The following GLRB variants were observed in gnomAD, a reference collection of about 807,000 sequenced individuals.
The protein encoded by GLRB is glycine receptor subunit beta.
In GLRB, 33 loss-of-function variants were observed where a neutral mutation model predicts 54.2. The ratio of observed to expected loss-of-function variants is 0.61; its 90% CI spans 0.46 to 0.81. The LOEUF (loss-of-function observed/expected upper bound fraction) is 0.81. Ranked by LOEUF, GLRB falls within the 40% of genes least tolerant of loss-of-function variation. The probability of loss-of-function intolerance (pLI) is 0.00; values close to 1 mark genes in which losing one functional copy is unlikely to be tolerated. For missense variants in GLRB, 572 were observed against 584.6 expected (o/e 0.98, Z 0.22); for synonymous variants, 209 against 208.2 (o/e 1.00, Z -0.03).
chr4:157,164,552 G>T (rs59191537), intron 9 of GLRB, among the ~76,000 whole-genome samples: 146 of 152,254 alleles, frequency 9.6e-4, no homozygotes, highest in African/African-American at 3.4e-3. Context: ...CCTACGATCA[G>T]CTCCATTGGC....
Position 157,152,950 on chromosome 4 carries a change from T to C in GLRB, c.1137T>C (p.Asn379=). The change falls in exon 9 of 10, where the codon AAT becomes AAC. Residue 379 remains asparagine (N), a synonymous_variant. Transcript: ENST00000264428. Reference sequence around the variant, plus strand: ...AGCAAGCAGATGGAAAAGGTGGAAATGTGGCTAAAAAGAATACTGTGAATG... The same window carrying C: ...AGCAAGCAGATGGAAAAGGTGGAAACGTGGCTAAAAAGAATACTGTGAATG... ...KAEQADGKGG[N]VAKKNTVNGT... The C allele has an allele frequency of 6.2e-7, 1 of 1,613,974 alleles. No homozygotes were observed. Among genetic ancestry groups the C allele is most frequent in the Non-Finnish European group, 8.5e-7 (1 of 1,179,938 alleles).
At chr4:157,144,136 T>C (rs1736720150) in intron 8 of GLRB, among the ~76,000 whole-genome samples, 177 bp downstream of exon 8, 1 of 152,204 alleles carries the variant, frequency 6.6e-6, no homozygotes, top group Non-Finnish European at 1.5e-5. Context: ...GTTTATGCAC[T>C]CTATAATTAA....
At chr4:157,097,552 A>G (rs1202344639) in intron 2 of GLRB, among the ~76,000 whole-genome samples, 1 of 152,190 alleles carries the variant, frequency 6.6e-6, no homozygotes, top group Non-Finnish European at 1.5e-5. Context: ...GAAGGCTTTG[A>G]TGGGCTATGT....
intron 2 of GLRB, among the ~76,000 whole-genome samples, chr4:157,099,186 T>C (rs1052634734): frequency 1.3e-5 from 2 of 152,130 alleles, no homozygotes; most frequent in East Asian, 3.9e-4. Context: ...TGGGGCAGGG[T>C]AGTTATTTAC....
Position 157,122,398 on chromosome 4 carries a change from G to T in GLRB, c.297+1G>T, listed in dbSNP as rs771465893. The T allele has an allele frequency of 1.1e-5, 12 of 1,118,300 alleles. No homozygotes were observed. Among genetic ancestry groups the T allele is most frequent in the Non-Finnish European group, 1.6e-5 (12 of 743,690 alleles). 69.3% of individuals were successfully genotyped at this position (1,118,300 alleles called of 1,614,324 possible). On this transcript the variant is annotated splice_donor_variant, in intron 4 of 9. Transcript: ENST00000264428. LOFTEE classifies it high-confidence loss of function. Reference sequence around the variant, plus strand: ...TGGATCCATTCAAGAAACAACAATGGTAAGATTGCAATTAATTTAATATTT... The same window carrying T: ...TGGATCCATTCAAGAAACAACAATGTTAAGATTGCAATTAATTTAATATTT...
chr4:157,162,339 T>C (rs1335033584), intron 9 of GLRB, among the ~76,000 whole-genome samples: 2 of 152,212 alleles, frequency 1.3e-5, no homozygotes, highest in Non-Finnish European at 2.9e-5. Context: ...TTCTCTCAAC[T>C]CGTCAAAGTC....
intron 7 of GLRB, among the ~76,000 whole-genome samples, chr4:157,141,255 C>T (rs1024217994): frequency 2.0e-5 from 3 of 151,898 alleles, no homozygotes; most frequent in East Asian, 3.9e-4. Flanking sequence ...TATTTTTTGG[C>T]ACTTAGTATG....
intron 2 of GLRB, among the ~76,000 whole-genome samples, chr4:157,091,643 A>G (rs1734620748): frequency 6.6e-6 from 1 of 152,190 alleles, no homozygotes; most frequent in Non-Finnish European, 1.5e-5. Flanking sequence ...TGTGGACCAC[A>G]CTTTGAGGGC....
intron 8 of GLRB, among the ~76,000 whole-genome samples, chr4:157,151,080 TC>T (rs1396048597): frequency 6.6e-6 from 1 of 152,138 alleles, no homozygotes; most frequent in Non-Finnish European, 1.5e-5. Context: ...TCATAAAGTT[TC>T]TAATCTATCA....
At chr4:157,080,377 G>T (rs978191606) in intron 2 of GLRB, among the ~76,000 whole-genome samples, 23 of 152,154 alleles carry the variant, frequency 1.5e-4, no homozygotes, top group Admixed American at 6.6e-5. Flanking sequence ...TTTATTAACA[G>T]TTGTGATGTG....
intron 8 of GLRB, 116 bp from the exon 9 acceptor site, chr4:157,152,602 C>T (rs759053420): frequency 9.6e-6 from 8 of 830,166 alleles, no homozygotes; most frequent in African/African-American, 1.7e-5. Flanking sequence ...GGGGACCTGA[C>T]AAATTGTTCA....
rs79107752 is a variant in GLRB at position 157,094,766 on chromosome 4, A to G, written c.122+16620A>G. The stretch of plus-strand genomic sequence containing the variant: ...CTCAAATCCTGTTAGTGAAAGTTCA[A>G]AATGGCATAAGCATTTGGTAAACCA... On this transcript the variant is annotated intron_variant, in intron 2 of 9. Transcript: ENST00000264428. 7.8e-3 allele frequency among the ~76,000 whole-genome samples: 1,188 copies of G among 152,308 alleles called. 23 individuals carry two copies. In the East Asian group the frequency reaches 0.1, roughly 13 times the overall value.
At position 157,111,050 on chromosome 4, in the gene GLRB, G is replaced by T. The variant is rs941534608; in HGVS notation, c.123-9506G>T. 1.7e-4 allele frequency among the ~76,000 whole-genome samples: 24 copies of T among 141,174 alleles called. 1 individual carries two copies. The highest frequency in any genetic ancestry group is 4.0e-3 in the Middle Eastern group (1 of 248). The allele number at this position is 141,174 out of a possible 152,430, so 92.6% of individuals were successfully genotyped here. A position where few individuals can be genotyped will look rare whatever the true frequency, so the allele number is the denominator to read the frequency against. On this transcript the variant is annotated intron_variant, in intron 2 of 9. Transcript: ENST00000264428. ...TGAGCTCGGGTAGCATCTGTGATGA[G>T]TTCTGCACACTTGTTCAAAGCACCG...
At chr4:157,094,060 T>C (rs1440995479) in intron 2 of GLRB, among the ~76,000 whole-genome samples, 2 of 152,172 alleles carry the variant, frequency 1.3e-5, no homozygotes, top group African/African-American at 4.8e-5. Flanking sequence ...TAAGCACAAG[T>C]TTTTTTGGGC....
chr4:157,149,330 C>T (rs1736933134), intron 8 of GLRB, among the ~76,000 whole-genome samples: 1 of 152,072 alleles, frequency 6.6e-6, no homozygotes, highest in Admixed American at 6.6e-5. Context: ...CAAAGATTCC[C>T]TGGAGAATTT....
chr4:157,162,805 T>A (rs1737559613), intron 9 of GLRB, among the ~76,000 whole-genome samples: 1 of 152,192 alleles, frequency 6.6e-6, no homozygotes, highest in Non-Finnish European at 1.5e-5. Flanking sequence ...GAGAAGGCAG[T>A]CTGTCCATTC....
chr4:157,165,964 G>T (rs1055368316), intron 9 of GLRB, among the ~76,000 whole-genome samples: 1 of 151,918 alleles, frequency 6.6e-6, no homozygotes, highest in African/African-American at 2.4e-5. Flanking sequence ...ATATTTTATT[G>T]TCTGTAGAGG....
intron 2 of GLRB, among the ~76,000 whole-genome samples, chr4:157,112,518 A>T (rs1165574822): frequency 2.0e-5 from 3 of 151,990 alleles, no homozygotes; most frequent in African/African-American, 7.2e-5. Flanking sequence ...TTGATGTTGT[A>T]GGTTGAATTC....
At chr4:157,130,396 A>G (rs1553996697) in intron 4 of GLRB, among the ~76,000 whole-genome samples, 1 of 151,518 alleles carries the variant, frequency 6.6e-6, no homozygotes, top group South Asian at 2.1e-4. Flanking sequence ...TTTCTTTTTC[A>G]GTCTTCTAGC....
Sources: gnomAD v4.1 joint callset for allele counts (sites outside exome capture counted in the v4.1 genomes callset) on GRCh38, gnomAD v4.1.1 for gene constraint, MANE v1.5 for transcripts, NCBI Gene and HGNC (gene_info 2026-07-23, HGNC 2026-07-21) for gene names.